Variants in GPHN observed in about 807,000 individuals in gnomAD.
The protein encoded by GPHN is gephyrin.
GPHN carries 17 observed loss-of-function variants against 95.5 expected under a neutral mutation model. The ratio of observed to expected loss-of-function variants is 0.18; its 90% confidence interval spans 0.12 to 0.27. The LOEUF (loss-of-function observed/expected upper bound fraction) is 0.27, where lower values mean the gene tolerates loss of function less well. Among genes scored for constraint, GPHN ranks in the 10% least tolerant of loss-of-function variants. The pLI is 1.00. For missense variants in GPHN, 660 were observed against 978.1 expected, an observed-to-expected ratio of 0.67 and a Z score of 4.34; for synonymous variants, 320 against 322.5, an observed-to-expected ratio of 0.99 and a Z score of 0.08.
the GPHN span, chr14:67,580,000 T>G: frequency 3.4e-6 from 3 of 886,806 alleles, no homozygotes; most frequent in Non-Finnish European, 5.1e-6. Flanking sequence ...CCCAAGGTGC[T>G]GCCCTAGTCA....
intron 1 of GPHN, among the ~76,000 whole-genome samples, chr14:66,630,508 G>A (rs140665816): frequency 1.3e-5 from 2 of 152,022 alleles, no homozygotes; most frequent in African/African-American, 4.8e-5. Context: ...TTAAGATGGA[G>A]TCGCCCAGGC....
At chr14:67,421,575 C>T in the GPHN span, among the ~76,000 whole-genome samples, 1 of 152,180 alleles carries the variant, frequency 6.6e-6, no homozygotes, top group African/African-American at 2.4e-5. Flanking sequence ...GATAACACTA[C>T]CACCATCGCT....
chr14:66,937,384 A>ATT lies in GPHN; in HGVS notation c.828+13106_828+13107dup, dbSNP rs112358245. Among the ~76,000 whole-genome samples, 17 of 141,872 alleles carry ATT rather than the reference A, an allele frequency of 1.2e-4. 1 individual carries two copies. The highest frequency in any genetic ancestry group is 2.3e-4 in the African/African-American group (9 of 38,952). 93.1% of individuals were successfully genotyped at this position (141,872 alleles called of 152,430 possible). A position where few individuals can be genotyped will look rare whatever the true frequency, so the allele number is the denominator to read the frequency against. On this transcript the variant is annotated intron_variant, in intron 8 of 22. Transcript: ENST00000478722. ...GCTGATTCGTTACATAACTGGAGCA[A>ATT]TTTTTTTTTTTTTTTGAGACTGAGT...
chr14:67,489,980 A>G, the GPHN span, among the ~76,000 whole-genome samples: 1 of 133,016 alleles, frequency 7.5e-6, no homozygotes, highest in African/African-American at 2.9e-5. Flanking sequence ...ACAGAGCGAG[A>G]CTCCGTCTCA....
At chr14:67,106,912 G>A (rs2078073356) in intron 13 of GPHN, among the ~76,000 whole-genome samples, 1 of 151,880 alleles carries the variant, frequency 6.6e-6, no homozygotes, top group South Asian at 2.1e-4. Flanking sequence ...GTGTCCCCAT[G>A]TTGATCTGTG....
intron 4 of GPHN, among the ~76,000 whole-genome samples, chr14:66,872,938 G>A (rs965608998): frequency 6.6e-6 from 1 of 150,454 alleles, no homozygotes; most frequent in Non-Finnish European, 1.5e-5. Flanking sequence ...CTAGTATATA[G>A]GTAAACCCCT....
At chr14:66,824,202 CTCTT>C (rs1292092949) in intron 3 of GPHN, among the ~76,000 whole-genome samples, 1 of 152,114 alleles carries the variant, frequency 6.6e-6, no homozygotes, top group Non-Finnish European at 1.5e-5. Context: ...TAATTATAAA[CTCTT>C]TATTTACGGT....
At chr14:67,046,355 C>T (rs2075015775) in intron 10 of GPHN, among the ~76,000 whole-genome samples, 1 of 152,002 alleles carries the variant, frequency 6.6e-6, no homozygotes, top group African/African-American at 2.4e-5. Context: ...AAAAATTACT[C>T]TAGGCAGAAA....
chr14:66,555,797 A>G (rs149760317), intron 1 of GPHN, among the ~76,000 whole-genome samples: 36 of 152,240 alleles, frequency 2.4e-4, no homozygotes, highest in African/African-American at 8.7e-4. Flanking sequence ...AGACTTTAAA[A>G]AAACCCCTAC....
At chr14:66,800,247 G>T (rs2060297049) in intron 3 of GPHN, among the ~76,000 whole-genome samples, 2 of 152,022 alleles carry the variant, frequency 1.3e-5, no homozygotes, top group African/African-American at 4.8e-5. Flanking sequence ...GCAAACCCCA[G>T]TTACAGTGTT....
At chr14:66,777,993 G>A (rs1390550956) in intron 3 of GPHN, among the ~76,000 whole-genome samples, 2 of 152,060 alleles carry the variant, frequency 1.3e-5, no homozygotes, top group African/African-American at 4.8e-5. Context: ...GCAGGAGAAG[G>A]AAATAAAGGG....
intron 6 of GPHN, among the ~76,000 whole-genome samples, chr14:66,918,284 C>A (rs1290997954): frequency 6.6e-6 from 1 of 152,120 alleles, no homozygotes; most frequent in East Asian, 1.9e-4. Flanking sequence ...TGGAGTAATG[C>A]CAGCTGGGGA....
At chr14:67,317,814 A>G in the GPHN span, among the ~76,000 whole-genome samples, 1 of 152,220 alleles carries the variant, frequency 6.6e-6, no homozygotes, top group Non-Finnish European at 1.5e-5. Context: ...CACAGAAGCA[A>G]CTCATTCCTG....
intron 1 of GPHN, among the ~76,000 whole-genome samples, chr14:66,534,305 C>T (rs2059053457): frequency 6.6e-6 from 1 of 152,246 alleles, no homozygotes; most frequent in East Asian, 1.9e-4. Flanking sequence ...TCCACTTCTC[C>T]TGTCACTCCC....
At chr14:67,660,122 C>A in the GPHN span, 1 of 539,126 alleles carries the variant, frequency 1.9e-6, no homozygotes, top group Non-Finnish European at 3.2e-6. Flanking sequence ...AAGCACAGAG[C>A]AGGCATTCGA....
the GPHN span, chr14:67,208,466 C>T: frequency 1.9e-6 from 3 of 1,605,224 alleles, no homozygotes; most frequent in African/African-American, 2.7e-5. Flanking sequence ...GAGGCAGGAA[C>T]ATGCCAAAGG....
the GPHN span, among the ~76,000 whole-genome samples, chr14:67,300,396 C>A: frequency 6.8e-6 from 1 of 146,816 alleles, no homozygotes; most frequent in African/African-American, 2.6e-5. Context: ...GGCGCCATCT[C>A]AGCTCACTGC....
At chr14:66,646,001 A>C (rs1353118961) in intron 1 of GPHN, among the ~76,000 whole-genome samples, 1 of 152,150 alleles carries the variant, frequency 6.6e-6, no homozygotes, top group Non-Finnish European at 1.5e-5. Flanking sequence ...CACTTCTCAT[A>C]TGATTTGAAA....
chr14:67,620,219 CG>C, the GPHN span: 6 of 367,366 alleles, frequency 1.6e-5, no homozygotes, highest in Non-Finnish European at 2.9e-5. Flanking sequence ...AAGAGCTGGC[CG>C]GTTCCCGCTA....
Sources: gnomAD v4.1 joint callset for allele counts (sites outside exome capture counted in the v4.1 genomes callset) on GRCh38, gnomAD v4.1.1 for gene constraint, MANE v1.5 for transcripts, NCBI Gene and HGNC (gene_info 2026-07-23, HGNC 2026-07-21) for gene names.